The following RUNX2 variants were observed in gnomAD, a reference collection of about 807,000 sequenced individuals.
The protein encoded by RUNX2 is RUNX family transcription factor 2.
RUNX2 carries 10 observed loss-of-function variants against 51.7 expected under a neutral mutation model. That is an observed-to-expected ratio of 0.19 (90% CI 0.12 to 0.33). RUNX2 has a LOEUF of 0.33. Ranked by LOEUF, RUNX2 falls within the 10% of genes least tolerant of loss-of-function variation. RUNX2 has a pLI of 1.00. For missense variants in RUNX2, 562 were observed against 691.3 expected (o/e 0.81, Z 2.10); for synonymous variants, 276 against 273.6 (o/e 1.01, Z -0.09).
At chr6:45,402,891 A>G (rs1797745728) in intron 2 of RUNX2, among the ~76,000 whole-genome samples, 1 of 152,122 alleles carries the variant, frequency 6.6e-6, no homozygotes, top group African/African-American at 2.4e-5. Context: ...CCACTCCCCT[A>G]TCCCGCAAAC....
At chr6:45,380,120 C>T (rs568387427) in intron 2 of RUNX2, among the ~76,000 whole-genome samples, 1 of 152,272 alleles carries the variant, frequency 6.6e-6, no homozygotes, top group South Asian at 2.1e-4. Context: ...TTGCTATATA[C>T]AAAGGGCCAA....
chr6:45,507,463 A>G (rs749516141), intron 6 of RUNX2, among the ~76,000 whole-genome samples: 1 of 152,192 alleles, frequency 6.6e-6, no homozygotes, highest in Non-Finnish European at 1.5e-5. Context: ...TGTTTATGAG[A>G]TCAGGTTAAG....
chr6:45,496,178 T>A (rs1381329667), intron 6 of RUNX2, among the ~76,000 whole-genome samples: 1 of 152,152 alleles, frequency 6.6e-6, no homozygotes, highest in Non-Finnish European at 1.5e-5. Flanking sequence ...GCTTAAGATA[T>A]CTTTAAACTC....
chr6:45,385,231 T>A (rs1374828132), intron 2 of RUNX2, among the ~76,000 whole-genome samples: 1 of 152,192 alleles, frequency 6.6e-6, no homozygotes, highest in Non-Finnish European at 1.5e-5. Flanking sequence ...AACCTGGGTG[T>A]CAGCTGAGAT....
chr6:45,446,767 A>C (rs924720630), intron 5 of RUNX2, among the ~76,000 whole-genome samples: 3 of 152,230 alleles, frequency 2.0e-5, no homozygotes, highest in Admixed American at 1.3e-4. Context: ...TGGCCTTCAC[A>C]TAAAATCTCT....
intron 5 of RUNX2, among the ~76,000 whole-genome samples, chr6:45,456,491 A>G (rs1457229085): frequency 6.6e-6 from 1 of 152,182 alleles, no homozygotes; most frequent in African/African-American, 2.4e-5. Flanking sequence ...TGAAGTGTAC[A>G]TTCTTCTCCT....
At chr6:45,406,664 C>G (rs566180059) in intron 2 of RUNX2, among the ~76,000 whole-genome samples, 19 of 152,230 alleles carry the variant, frequency 1.2e-4, no homozygotes, top group African/African-American at 4.6e-4. Context: ...CCTTGGCCCC[C>G]CAAAGTGCTG....
At chr6:45,436,215 G>A (rs961584653) in intron 4 of RUNX2, among the ~76,000 whole-genome samples, 5 of 151,912 alleles carry the variant, frequency 3.3e-5, no homozygotes, top group South Asian at 2.1e-4. Context: ...TGATTGGGAC[G>A]CATCTAGAAA....
chr6:45,378,072 C>G (rs1797075671), intron 2 of RUNX2: 1 of 152,102 alleles, frequency 6.6e-6, no homozygotes, highest in South Asian at 2.1e-4. Context: ...CCAGGTGGCG[C>G]GCGCTCTCCC....
chr6:45,511,138 G>A (rs529692923), intron 6 of RUNX2, among the ~76,000 whole-genome samples: 4 of 152,288 alleles, frequency 2.6e-5, no homozygotes, highest in African/African-American at 4.8e-5. Context: ...GAGCAAAAGA[G>A]TTTGAAATAC....
intron 2 of RUNX2, among the ~76,000 whole-genome samples, chr6:45,354,208 T>C (rs1006112788): frequency 6.6e-6 from 1 of 152,148 alleles, no homozygotes; most frequent in Non-Finnish European, 1.5e-5. Context: ...ATATCATTTT[T>C]AATAATAGTG....
intron 6 of RUNX2, among the ~76,000 whole-genome samples, chr6:45,497,842 G>T (rs1330043447): frequency 6.6e-6 from 1 of 152,074 alleles, no homozygotes; most frequent in African/African-American, 2.4e-5. Flanking sequence ...GAATAAATGG[G>T]GTCACTGACC....
intron 2 of RUNX2, among the ~76,000 whole-genome samples, chr6:45,340,376 T>C (rs543865702): frequency 5.9e-5 from 9 of 152,156 alleles, no homozygotes; most frequent in Admixed American, 5.9e-4. Flanking sequence ...CAGGCTAGAG[T>C]GCACTGGCAT....
At chr6:45,392,864 T>C (rs1797501046) in intron 2 of RUNX2, among the ~76,000 whole-genome samples, 1 of 152,186 alleles carries the variant, frequency 6.6e-6, no homozygotes, top group Non-Finnish European at 1.5e-5. Context: ...TTATTTCCAT[T>C]ACAAGTATGT....
chr6:45,400,516 T>C (rs371420342), intron 2 of RUNX2, among the ~76,000 whole-genome samples: 12 of 152,216 alleles, frequency 7.9e-5, no homozygotes, highest in African/African-American at 2.7e-4. Flanking sequence ...TAAATGGGCT[T>C]AAATCCCTAT....
chr6:45,424,100 A>C (rs952901335), intron 3 of RUNX2, among the ~76,000 whole-genome samples: 1 of 152,258 alleles, frequency 6.6e-6, no homozygotes, highest in Non-Finnish European at 1.5e-5. Flanking sequence ...CGAAGGCTTG[A>C]GAGCGGCCTC....
chr6:45,336,106 C>T (rs547318372), intron 2 of RUNX2, among the ~76,000 whole-genome samples: 20 of 151,404 alleles, frequency 1.3e-4, no homozygotes, highest in Admixed American at 9.9e-4. Flanking sequence ...AGTGTCCACC[C>T]AGAATTCTTC....
chr6:45,432,353 G>A (rs949966607), intron 4 of RUNX2, among the ~76,000 whole-genome samples: 4 of 152,190 alleles, frequency 2.6e-5, no homozygotes, highest in African/African-American at 9.6e-5. Context: ...AGTGGTAAAG[G>A]GGAAAGAAAA....
intron 2 of RUNX2, chr6:45,421,583 T>C (rs1016522684): frequency 6.6e-6 from 1 of 152,086 alleles, no homozygotes; most frequent in Non-Finnish European, 1.5e-5. Context: ...CAACGAAAAA[T>C]AGCGACAGTC....
Sources: gnomAD v4.1 joint callset for allele counts (sites outside exome capture counted in the v4.1 genomes callset) on GRCh38, gnomAD v4.1.1 for gene constraint, MANE v1.5 for transcripts, NCBI Gene and HGNC (gene_info 2026-07-23, HGNC 2026-07-21) for gene names.